The following MTHFD1L variants were observed in gnomAD, a reference collection of about 807,000 sequenced individuals.
MTHFD1L encodes methylenetetrahydrofolate dehydrogenase (NADP+ dependent) 1 like.
A neutral mutation model predicts 119.5 loss-of-function variants in MTHFD1L; 81 were observed. The ratio of observed to expected loss-of-function variants is 0.68; its 90% CI spans 0.57 to 0.82. The LOEUF (loss-of-function observed/expected upper bound fraction) is 0.82. Ranked by LOEUF, MTHFD1L falls within the 40% of genes least tolerant of loss-of-function variation. MTHFD1L has a pLI of 0.00. For missense variants in MTHFD1L, 1,125 were observed against 1,253.4 expected (o/e 0.90, Z 1.55); for synonymous variants, 430 against 475.2 (o/e 0.90, Z 1.24).
At chr6:150,991,241 C>T (rs1779018785) in intron 20 of MTHFD1L, among the ~76,000 whole-genome samples, 1 of 150,712 alleles carries the variant, frequency 6.6e-6, no homozygotes, top group South Asian at 2.1e-4. Flanking sequence ...GCAAATTAAA[C>T]ATAAAGCTTC....
At chr6:150,923,791 T>G (rs1323776075) in intron 10 of MTHFD1L, among the ~76,000 whole-genome samples, 2 of 151,914 alleles carry the variant, frequency 1.3e-5, no homozygotes, top group African/African-American at 4.8e-5. Flanking sequence ...CTGGACATGT[T>G]TTCATCCCTG....
chr6:151,032,457 C>A (rs1785478515), intron 24 of MTHFD1L, among the ~76,000 whole-genome samples: 1 of 152,156 alleles, frequency 6.6e-6, no homozygotes, highest in Non-Finnish European at 1.5e-5. Flanking sequence ...CAGTACCAAG[C>A]CATTCATGAG....
rs182069493 is a variant in MTHFD1L, at chr6:151,044,913, G to A, written c.2847+7796G>A. ...AAAAAGAAAGCTGCGGCCCCGGCCC[G>A]TGGACTCACTGCCATTCTGCTCTTT... On this transcript the variant is annotated intron_variant, in intron 26 of 27. Coordinates refer to ENST00000367321, the MANE Select transcript of MTHFD1L (RefSeq NM_015440.5). 1.5e-3 allele frequency among the ~76,000 whole-genome samples: 223 copies of A among 152,310 alleles called. 1 individual carries two copies. The highest frequency in any genetic ancestry group is 5.0e-3 in the African/African-American group (209 of 41,576).
At chr6:150,919,900 T>C (rs972511135) in intron 9 of MTHFD1L, among the ~76,000 whole-genome samples, 3 of 152,166 alleles carry the variant, frequency 2.0e-5, no homozygotes, top group African/African-American at 7.2e-5. Flanking sequence ...CTCATGCATT[T>C]GAAGTGAAGA....
At chr6:151,072,032 G>A (rs181635521) in intron 26 of MTHFD1L, among the ~76,000 whole-genome samples, 41 of 151,888 alleles carry the variant, frequency 2.7e-4, no homozygotes, top group African/African-American at 7.7e-4. Context: ...TAGTAGAGAT[G>A]GGGTTTCCCC....
chr6:150,876,400 A>C (rs1780449212), intron 2 of MTHFD1L, among the ~76,000 whole-genome samples: 1 of 152,132 alleles, frequency 6.6e-6, no homozygotes. Flanking sequence ...GGTAGCTTTC[A>C]GAGGTCTAGG....
chr6:151,082,368 C>T (rs748226084), intron 26 of MTHFD1L, among the ~76,000 whole-genome samples: 1 of 152,210 alleles, frequency 6.6e-6, no homozygotes, highest in South Asian at 2.1e-4. Context: ...TTCTCTCTTA[C>T]AGCCTTATCT....
intron 24 of MTHFD1L, among the ~76,000 whole-genome samples, chr6:151,017,874 GC>G (rs1296578868): frequency 3.1e-5 from 4 of 128,440 alleles, no homozygotes; most frequent in African/African-American, 1.2e-4. Flanking sequence ...TTGCTCTGTC[GC>G]CCAGGCTGGA....
rs1740117348 is a variant in MTHFD1L, at chr6:151,034,357, T to TA, written c.2587-135dup. The stretch of plus-strand genomic sequence containing the variant: ...GCTAAAAGGAAAAAAGAGGGTTTGC[T>TA]AGGAATCCTGCAGTTGCTGAGGGGG... On this transcript the variant is annotated intron_variant, in intron 24 of 27. Transcript: ENST00000367321. The TA allele has an allele frequency of 2.8e-5, 18 of 646,724 alleles. No homozygotes were observed. The East Asian group carries it at 4.9e-4, about 18-fold the overall frequency. 40.1% of individuals were successfully genotyped at this position (646,724 alleles called of 1,614,324 possible).
At position 150,960,301 on chromosome 6, in the gene MTHFD1L, C is replaced by A. The variant is rs760636367; in HGVS notation, c.1830C>A (p.Ser610Arg). ...RQAQFDIAVA[S>R]EIMAVLALTD... ...CGCAGTTTGACATCGCAGTGGCCAGCGAGATCATGGCGGTGCTGGCCCTGA... is the reference window on the plus strand; with the variant it reads ...CGCAGTTTGACATCGCAGTGGCCAGAGAGATCATGGCGGTGCTGGCCCTGA... Residue 610 changes from serine to arginine, a missense_variant, in exon 18 of 28, where the codon AGC becomes AGA. By Grantham distance (110) the Ser-to-Arg change is moderately radical. Transcript: ENST00000367321. 3 of 1,613,384 alleles carry A rather than the reference C, an allele frequency of 1.9e-6. No individual in the cohort carries two copies. The highest frequency in any genetic ancestry group is 1.7e-5 in the Admixed American group (1 of 59,964).
At position 151,009,841 on chromosome 6, in the gene MTHFD1L, T is replaced by C. The variant is rs550463096; in HGVS notation, c.2148T>C (p.Ala716=). Residue 716 remains alanine (A), a synonymous_variant, in exon 21 of 28, where the codon GCT becomes GCC. Coordinates refer to ENST00000367321, the MANE Select transcript of MTHFD1L (RefSeq NM_015440.5). ...CAGTGACCGAAGCTGGCTTTGGTGC[T>C]GACATCGGAATGGAGAAATTCTTCA... is the stretch of plus-strand genomic sequence containing the variant. ...GFVVTEAGFG[A]DIGMEKFFNI... is the part of the protein sequence containing the mutation. 6.2e-7 allele frequency: 1 copy of C among 1,613,952 alleles called. No homozygotes were observed. Among genetic ancestry groups the C allele is most frequent in the South Asian group, 1.1e-5 (1 of 91,008 alleles).
chr6:150,895,034 G>A (rs774636138), intron 7 of MTHFD1L, among the ~76,000 whole-genome samples: 1 of 152,214 alleles, frequency 6.6e-6, no homozygotes, highest in African/African-American at 2.4e-5. Flanking sequence ...GCCATATGCT[G>A]TGGAGTGTCA....
intron 26 of MTHFD1L, among the ~76,000 whole-genome samples, chr6:151,056,915 G>A (rs1353326757): frequency 6.6e-6 from 1 of 152,204 alleles, no homozygotes; most frequent in African/African-American, 2.4e-5. Flanking sequence ...GTTGTGGAAT[G>A]AATTTTTTTC....
rs1194409530 is a variant in MTHFD1L at position 150,948,907 on chromosome 6, C to T, written c.1624-124C>T. 8 of 783,290 alleles carry T rather than the reference C, an allele frequency of 1.0e-5. No homozygotes were observed. The African/African-American group carries it at 1.2e-4, about 12-fold the overall frequency. 48.5% of individuals were successfully genotyped at this position (783,290 alleles called of 1,614,324 possible). On this transcript the variant is annotated intron_variant, in intron 15 of 27. Transcript: ENST00000367321. ...CTGCCCACCTTGGCTTCCCAAAGTGCCAGTTTAGTTTTTTAAAAGGCTTTA... is the reference window on the plus strand; with the variant it reads ...CTGCCCACCTTGGCTTCCCAAAGTGTCAGTTTAGTTTTTTAAAAGGCTTTA...
At chr6:150,903,388 A>G (rs1388523856) in intron 7 of MTHFD1L, among the ~76,000 whole-genome samples, 1 of 151,376 alleles carries the variant, frequency 6.6e-6, no homozygotes, top group African/African-American at 2.4e-5. Flanking sequence ...GCACAGAAGA[A>G]TGGTTATTTA....
chr6:151,095,773 C>A (rs1482459132), intron 27 of MTHFD1L, among the ~76,000 whole-genome samples: 1 of 152,228 alleles, frequency 6.6e-6, no homozygotes, highest in Non-Finnish European at 1.5e-5. Context: ...CGGAGCCTAC[C>A]CCTTGGTCAC....
intron 4 of MTHFD1L, among the ~76,000 whole-genome samples, chr6:150,882,181 G>C (rs1040000008): frequency 3.6e-4 from 55 of 152,322 alleles, no homozygotes; most frequent in African/African-American, 1.3e-3. Context: ...CATAAAAGGA[G>C]CTGTGCATGC....
intron 21 of MTHFD1L, among the ~76,000 whole-genome samples, chr6:151,011,263 C>CT (rs1270284836): frequency 1.3e-5 from 2 of 152,192 alleles, no homozygotes; most frequent in African/African-American, 4.8e-5. Flanking sequence ...CAAAACACCC[C>CT]TTGTTGCTAC....
intron 16 of MTHFD1L, among the ~76,000 whole-genome samples, chr6:150,954,375 C>T (rs1225291714): frequency 6.6e-6 from 1 of 152,134 alleles, no homozygotes; most frequent in Admixed American, 6.5e-5. Context: ...AACTGCAATT[C>T]TTGTTTTGTT....
Sources: allele counts gnomAD v4.1 joint callset (sites outside exome capture counted in the v4.1 genomes callset), GRCh38; gene constraint gnomAD v4.1.1; transcripts MANE v1.5; gene names NCBI Gene and HGNC (gene_info 2026-07-23, HGNC 2026-07-21).